The following AXDND1 variants were observed in gnomAD, a reference collection of about 807,000 sequenced individuals.
AXDND1 encodes the protein axonemal dynein light chain domain containing 1.
A neutral mutation model predicts 137.5 loss-of-function variants in AXDND1; 110 were observed. The observed-to-expected ratio is 0.80, with a 90% CI of 0.69 to 0.94. The LOEUF (loss-of-function observed/expected upper bound fraction) is 0.94, where lower values mean the gene tolerates loss of function less well. Among genes scored for constraint, AXDND1 ranks in the 40% least tolerant of loss-of-function variants. The probability of loss-of-function intolerance (pLI) is 0.00; values close to 1 mark genes in which losing one functional copy is unlikely to be tolerated. For missense variants in AXDND1, 1,191 were observed against 1,169.8 expected, an observed-to-expected ratio of 1.02 and a Z score of -0.26; for synonymous variants, 414 against 399.7, an observed-to-expected ratio of 1.04 and a Z score of -0.43.
At chr1:179,421,367 CTTTTTTTTTTT>C (rs199703017) in intron 12 of AXDND1, among the ~76,000 whole-genome samples, 8 of 107,232 alleles carry the variant, frequency 7.5e-5, no homozygotes, top group Non-Finnish European at 1.3e-4. Context: ...TTTTCTTTTC[CTTTTTTTTTTT>C]TTTTTTTTTT....
At chr1:179,388,983 T>TTTC (rs1188128920) in intron 9 of AXDND1, among the ~76,000 whole-genome samples, 1 of 33,098 alleles carries the variant, frequency 3.0e-5, no homozygotes, top group African/African-American at 1.1e-4. Context: ...ATTCTTTTTT[T>TTTC]TTTTTTTTTT....
Position 179,387,656 on chromosome 1 carries a change from A to C in AXDND1, c.863+2297A>C, listed in dbSNP as rs60114348. Reference sequence around the variant, plus strand: ...TTTTGGGACACAATTAAGTTATTTAAAAAAATTTGATCCTGTTAGGTCTTT... The same window carrying C: ...TTTTGGGACACAATTAAGTTATTTACAAAAATTTGATCCTGTTAGGTCTTT... On this transcript the variant is annotated intron_variant, in intron 9 of 25. Coordinates refer to ENST00000367618, the MANE Select transcript of AXDND1 (RefSeq NM_144696.6). 2.4e-4 allele frequency among the ~76,000 whole-genome samples: 37 copies of C among 152,294 alleles called. No individual in the cohort carries two copies. The East Asian group carries it at 6.7e-3, about 28-fold the overall frequency.
chr1:179,546,668 C>G (rs1672678701), intron 25 of AXDND1, among the ~76,000 whole-genome samples: 6 of 152,154 alleles, frequency 3.9e-5, no homozygotes, highest in Admixed American at 2.0e-4. Context: ...TCATACTCCT[C>G]TGTGTCCCAG....
At chr1:179,409,548 T>C (rs765796694) in intron 11 of AXDND1, among the ~76,000 whole-genome samples, 1 of 152,168 alleles carries the variant, frequency 6.6e-6, no homozygotes, top group Non-Finnish European at 1.5e-5. Context: ...CATTGTGTAT[T>C]ATAACATGAA....
At chr1:179,546,685 A>G (rs866849192) in intron 25 of AXDND1, among the ~76,000 whole-genome samples, 4 of 151,936 alleles carry the variant, frequency 2.6e-5, no homozygotes, top group Admixed American at 6.6e-5. Flanking sequence ...CCAGCCCCCA[A>G]TCTCAGTGGC....
intron 9 of AXDND1, among the ~76,000 whole-genome samples, chr1:179,389,746 C>T (rs1474513900): frequency 6.6e-6 from 1 of 152,078 alleles, no homozygotes; most frequent in East Asian, 1.9e-4. Context: ...AGTGTGTTCT[C>T]TTATGGATCT....
At chr1:179,516,600 T>C (rs1669562713) in intron 21 of AXDND1, among the ~76,000 whole-genome samples, 1 of 152,178 alleles carries the variant, frequency 6.6e-6, no homozygotes, top group Non-Finnish European at 1.5e-5. Context: ...AGAGGGAAGG[T>C]ATAGAGCTGA....
chr1:179,386,332 G>A (rs895347312), intron 9 of AXDND1, among the ~76,000 whole-genome samples: 7 of 152,046 alleles, frequency 4.6e-5, no homozygotes, highest in Admixed American at 6.6e-5. Flanking sequence ...ACAGGCGTGA[G>A]CCACCGAGCC....
chr1:179,487,806 G>T (rs532750465), intron 18 of AXDND1, among the ~76,000 whole-genome samples: 1 of 147,840 alleles, frequency 6.8e-6, no homozygotes, highest in Non-Finnish European at 1.5e-5. Context: ...GACCAACCTG[G>T]TCAACACAGT....
intron 16 of AXDND1, among the ~76,000 whole-genome samples, chr1:179,467,726 C>A (rs759431277): frequency 2.0e-5 from 3 of 152,108 alleles, no homozygotes; most frequent in African/African-American, 2.4e-5. Flanking sequence ...GTGAAATTAG[C>A]AGATCATTTT....
intron 18 of AXDND1, among the ~76,000 whole-genome samples, chr1:179,488,616 C>A: frequency 1.2e-5 from 1 of 85,656 alleles, no homozygotes; most frequent in African/African-American, 4.4e-5. Flanking sequence ...TTCTTTCTTT[C>A]TTTCTCTCTC....
chr1:179,464,258 G>T (rs1051270431), intron 16 of AXDND1, among the ~76,000 whole-genome samples: 1 of 152,306 alleles, frequency 6.6e-6, no homozygotes, highest in Non-Finnish European at 1.5e-5. Context: ...GGTGCCAGTT[G>T]TTCCTTTCCA....
intron 16 of AXDND1, chr1:179,449,959 A>G (rs1224120442): frequency 7.3e-6 from 1 of 136,174 alleles, no homozygotes; most frequent in Non-Finnish European, 1.6e-5. Context: ...TAGTGAAGAG[A>G]GGGTTTTACT....
chr1:179,524,154 A>G (rs915751382), intron 21 of AXDND1, among the ~76,000 whole-genome samples: 4 of 152,194 alleles, frequency 2.6e-5, no homozygotes, highest in Non-Finnish European at 5.9e-5. Flanking sequence ...ATAAACATGC[A>G]TGTAAAATTA....
chr1:179,423,146 A>G (rs945552048), intron 12 of AXDND1, among the ~76,000 whole-genome samples: 7 of 151,724 alleles, frequency 4.6e-5, no homozygotes, highest in Admixed American at 3.3e-4. Flanking sequence ...CACCTTCTTT[A>G]TAATTGTTAT....
chr1:179,426,128 C>A (rs1656536507), intron 12 of AXDND1, among the ~76,000 whole-genome samples: 2 of 152,130 alleles, frequency 1.3e-5, no homozygotes, highest in South Asian at 4.1e-4. Flanking sequence ...AGCCACTGCG[C>A]CTGGCCAAAG....
chr1:179,481,453 T>A (rs1204398592), intron 17 of AXDND1, among the ~76,000 whole-genome samples: 1 of 152,234 alleles, frequency 6.6e-6, no homozygotes, highest in East Asian at 1.9e-4. Flanking sequence ...TACGTGTGCA[T>A]GTGTCTTTAT....
At chr1:179,367,723 G>T (rs1429302667) in intron 2 of AXDND1, among the ~76,000 whole-genome samples, 1 of 152,212 alleles carries the variant, frequency 6.6e-6, no homozygotes, top group Admixed American at 6.5e-5. Flanking sequence ...GGCAACAGAG[G>T]TAGACTTGGT....
intron 1 of AXDND1, 72 bp from the exon 2 acceptor site, chr1:179,366,332 C>A: frequency 1.9e-6 from 1 of 518,638 alleles, no homozygotes. Flanking sequence ...TTCTAAACTG[C>A]GATCTGAACC....
Sources: gnomAD v4.1 joint callset for allele counts (sites outside exome capture counted in the v4.1 genomes callset) on GRCh38, gnomAD v4.1.1 for gene constraint, MANE v1.5 for transcripts, NCBI Gene and HGNC (gene_info 2026-07-23, HGNC 2026-07-21) for gene names.